The following CHMP7 variants were observed in gnomAD, a reference collection of about 807,000 sequenced individuals.
CHMP7 encodes the protein CHMP family, member 7.
In CHMP7, 15 loss-of-function variants were observed where a neutral mutation model predicts 53.7. That is an observed-to-expected ratio of 0.28 (90% CI 0.19 to 0.43). CHMP7 has a LOEUF of 0.43. CHMP7 is among the 20% of genes least tolerant of loss of function. CHMP7 has a pLI of 1.00. For synonymous variants in CHMP7, 261 were observed against 228.0 expected, an observed-to-expected ratio of 1.14 and a Z score of -1.30; for missense variants, 527 against 569.4, an observed-to-expected ratio of 0.93 and a Z score of 0.76.
Position 23,246,879 on chromosome 8 carries a change from A to T in CHMP7, c.184A>T (p.Ser62Cys). 6.3e-7 allele frequency: 1 copy of T among 1,590,362 alleles called. No homozygotes were observed. Among genetic ancestry groups the T allele is most frequent in the Non-Finnish European group, 8.6e-7 (1 of 1,169,362 alleles). Residue 62 changes from serine to cysteine, a missense_variant, in exon 2 of 11, where the codon AGC becomes TGC. Coordinates refer to ENST00000397677, the MANE Select transcript of CHMP7 (RefSeq NM_152272.5). ...GGGCTTCTGGGCGCCGTTGGTGCTG[A>T]GCCACAGCCGCCGCCAGGGGGTGGT... ...KMGFWAPLVL[S>C]HSRRQGVVRL... is the part of the protein sequence containing the mutation.
intron 3 of CHMP7, among the ~76,000 whole-genome samples, chr8:23,253,943 C>G (rs1802027591): frequency 6.6e-6 from 1 of 152,190 alleles, no homozygotes. Context: ...ATGTCAGTTT[C>G]CTTCAGTGAC....
chr8:23,257,340 C>T (rs979229616), intron 5 of CHMP7, among the ~76,000 whole-genome samples: 1 of 152,100 alleles, frequency 6.6e-6, no homozygotes, highest in Non-Finnish European at 1.5e-5. Context: ...AAACAAGACC[C>T]CCACCTCAGC....
At chr8:23,247,858 C>A in intron 2 of CHMP7, 1 of 355,444 alleles carries the variant, frequency 2.8e-6, no homozygotes, top group East Asian at 7.4e-5. Context: ...ACCAGCCTAG[C>A]GTGATACCTC....
intron 9 of CHMP7, 34 bp from the exon 10 acceptor site, chr8:23,260,110 G>A (rs1389415804): frequency 1.9e-6 from 3 of 1,573,190 alleles, no homozygotes; most frequent in Non-Finnish European, 1.7e-6. Context: ...TCTCCCTTGA[G>A]TTTATGCATC....
At chr8:23,255,062 CT>C (rs942944574) in intron 3 of CHMP7, 184 bp from the exon 4 acceptor site, 4 of 632,466 alleles carry the variant, frequency 6.3e-6, no homozygotes, top group Admixed American at 2.6e-5. Context: ...AGTCACCAAA[CT>C]TTCCTCCAAG....
At chr8:23,254,483 C>T (rs183740442) in intron 3 of CHMP7, among the ~76,000 whole-genome samples, 5,120 of 152,258 alleles carry the variant, frequency 0.034, 129 homozygotes, top group Non-Finnish European at 0.046. Flanking sequence ...CAACCTCCGC[C>T]TCCCAGGTTC....
In CHMP7 at chr8:23,246,804, G is replaced by C. The variant is rs1158701458; in HGVS notation, c.109G>C (p.Ala37Pro). Residue 37 changes from alanine (A) to proline (P), a missense_variant, in exon 2 of 11, where the codon GCT (alanine) becomes CCT (proline). By Grantham distance (27) the Ala-to-Pro change is conservative. Transcript: ENST00000397677. ...DEERMSFLFS[A>P]FKRSREVNST... ...GGAGCGCATGTCCTTCCTGTTCTCCGCTTTCAAGAGGAGTCGCGAGGTGAA... is the reference window on the plus strand; with the variant it reads ...GGAGCGCATGTCCTTCCTGTTCTCCCCTTTCAAGAGGAGTCGCGAGGTGAA... 44 of 1,592,552 alleles carry C rather than the reference G, an allele frequency of 2.8e-5. No homozygotes were observed. Among genetic ancestry groups the C allele is most frequent in the Non-Finnish European group, 2.9e-5 (34 of 1,170,072 alleles).
rs1301026138 is a variant in CHMP7, at chr8:23,260,742, C to A, written c.*143C>A. On this transcript the variant is annotated 3_prime_UTR_variant, in exon 11 of 11. Transcript: ENST00000397677. ...GATTTTATCTGGATGCTACTACTTA[C>A]TACAGGACAGATAGAATTTCTGGAA... 8 of 685,550 alleles carry A rather than the reference C, an allele frequency of 1.2e-5. No homozygotes were observed. Among genetic ancestry groups the A allele is most frequent in the Non-Finnish European group, 1.8e-5 (7 of 389,794 alleles). 42.5% of individuals were successfully genotyped at this position (685,550 alleles called of 1,614,324 possible).
In CHMP7 at chr8:23,257,620, A is replaced by G. The variant is rs114825768; in HGVS notation, c.792-413A>G. On this transcript the variant is annotated intron_variant, in intron 5 of 10. Coordinates refer to ENST00000397677, the MANE Select transcript of CHMP7 (RefSeq NM_152272.5). ...AATGACTGTACAAGGAATCCCTAAT[A>G]AAGACACACCCTCTGGCAGGAGAAC... is the stretch of plus-strand genomic sequence containing the variant. 3.6e-3 allele frequency among the ~76,000 whole-genome samples: 544 copies of G among 152,300 alleles called. 3 individuals carry two copies. The highest frequency in any genetic ancestry group is 0.012 in the African/African-American group (510 of 41,568).
intron 5 of CHMP7, among the ~76,000 whole-genome samples, chr8:23,256,885 T>C (rs1280476967): frequency 6.8e-6 from 1 of 147,102 alleles, no homozygotes; most frequent in Non-Finnish European, 1.5e-5. Flanking sequence ...CTCCGCCTCC[T>C]GGGTTCACGC....
At chr8:23,251,323 C>G (rs1416091658) in intron 3 of CHMP7, among the ~76,000 whole-genome samples, 1 of 152,100 alleles carries the variant, frequency 6.6e-6, no homozygotes, top group Non-Finnish European at 1.5e-5. Flanking sequence ...AAAAAAAATA[C>G]AAAGAAATGA....
At chr8:23,244,069 T>C (rs1267904612) in intron 1 of CHMP7, among the ~76,000 whole-genome samples, 2 of 152,178 alleles carry the variant, frequency 1.3e-5, no homozygotes, top group South Asian at 4.1e-4. Flanking sequence ...AGATGTCTTT[T>C]GCAAATAGTT....
chr8:23,258,203 C>T lies in CHMP7; in HGVS notation c.840+122C>T, dbSNP rs920163982. 6 of 1,458,092 alleles carry T rather than the reference C, an allele frequency of 4.1e-6. No homozygotes were observed. In the Admixed American group the frequency reaches 5.2e-5, roughly 13 times the overall value. 90.3% of individuals were successfully genotyped at this position (1,458,092 alleles called of 1,614,324 possible). A position where few individuals can be genotyped will look rare whatever the true frequency, so the allele number is the denominator to read the frequency against. On this transcript the variant is annotated intron_variant, in intron 6 of 10. Coordinates refer to ENST00000397677, the MANE Select transcript of CHMP7 (RefSeq NM_152272.5). Reference sequence around the variant, plus strand: ...GGGTAGAGTCTGCAGGGGGCCCAGGCACCACAGCTTATTTTACAGATGGGA... The same window carrying T: ...GGGTAGAGTCTGCAGGGGGCCCAGGTACCACAGCTTATTTTACAGATGGGA...
intron 5 of CHMP7, 75 bp downstream of exon 5, chr8:23,256,668 T>G: frequency 8.1e-7 from 1 of 1,241,570 alleles, no homozygotes; most frequent in Non-Finnish European, 1.1e-6. Flanking sequence ...TTAGTATATG[T>G]GGGCTTTTAA....
chr8:23,257,915 T>C (rs928479460), intron 5 of CHMP7, 118 bp from the exon 6 acceptor site: 24 of 703,928 alleles, frequency 3.4e-5, no homozygotes, highest in Non-Finnish European at 5.3e-5. Context: ...CCACTGGGTA[T>C]TGGGTTTAGT....
At chr8:23,258,639 A>C in intron 7 of CHMP7, 93 bp from the exon 8 acceptor site, 1 of 1,230,838 alleles carries the variant, frequency 8.1e-7, no homozygotes, top group Non-Finnish European at 1.2e-6. Context: ...GCCAAAAAAA[A>C]CACCCCAAAG....
chr8:23,246,965 G>A lies in CHMP7; in HGVS notation c.270G>A (p.Gly90=), dbSNP rs1801723155. 3 of 1,544,096 alleles carry A rather than the reference G, an allele frequency of 1.9e-6. No individual in the cohort carries two copies. Among genetic ancestry groups the A allele is most frequent in the African/African-American group, 1.4e-5 (1 of 73,588 alleles). The change falls in exon 2 of 11, where the codon GGG becomes GGA. Residue 90 remains glycine, a synonymous_variant. Coordinates refer to ENST00000397677, the MANE Select transcript of CHMP7 (RefSeq NM_152272.5). ...AGCGCAAGGGGAGCGTCCCGCTGGG[G>A]CTGGCCACGGTGCTGCAGGACCTGC... is the stretch of plus-strand genomic sequence containing the variant. ...AFQRKGSVPL[G]LATVLQDLLR...
At chr8:23,252,190 G>GTTTTTTTTTTTTTT (rs1801956538) in intron 3 of CHMP7, among the ~76,000 whole-genome samples, 1 of 63,222 alleles carries the variant, frequency 1.6e-5, no homozygotes, top group Non-Finnish European at 4.6e-5. Context: ...TTTGTATTGT[G>GTTTTTTTTTTTTTT]TTATCTTTTT....
At chr8:23,256,908 C>T (rs535396948) in intron 5 of CHMP7, among the ~76,000 whole-genome samples, 10 of 150,962 alleles carry the variant, frequency 6.6e-5, no homozygotes, top group East Asian at 3.9e-4. Flanking sequence ...TTTTCCTGCG[C>T]CAGCCTCCCG....
Sources: gnomAD v4.1 joint callset for allele counts (sites outside exome capture counted in the v4.1 genomes callset) on GRCh38, gnomAD v4.1.1 for gene constraint, MANE v1.5 for transcripts, NCBI Gene and HGNC (gene_info 2026-07-23, HGNC 2026-07-21) for gene names.